The following PTPRG variants were observed in gnomAD, a reference collection of about 807,000 sequenced individuals.
The protein encoded by PTPRG is receptor-type tyrosine-protein phosphatase gamma.
PTPRG carries 102 observed loss-of-function variants against 165.3 expected under a neutral mutation model. The ratio of observed to expected loss-of-function variants is 0.62; its 90% confidence interval spans 0.53 to 0.73. PTPRG has a LOEUF of 0.73. PTPRG is among the 30% of genes least tolerant of loss of function. The probability of loss-of-function intolerance (pLI) is 0.00; values close to 1 mark genes in which losing one functional copy is unlikely to be tolerated. For synonymous variants in PTPRG, 675 were observed against 669.5 expected, an observed-to-expected ratio of 1.01 and a Z score of -0.13; for missense variants, 1,866 against 1,861.4, an observed-to-expected ratio of 1.00 and a Z score of -0.05.
chr3:62,286,807 C>G (rs1576227421), intron 28 of PTPRG, among the ~76,000 whole-genome samples: 2 of 152,048 alleles, frequency 1.3e-5, no homozygotes, highest in African/African-American at 4.8e-5. Context: ...ACTTTTGCAC[C>G]AAGTCCCTGT....
At chr3:62,147,939 T>C (rs1704183281) in intron 6 of PTPRG, among the ~76,000 whole-genome samples, 1 of 151,702 alleles carries the variant, frequency 6.6e-6, no homozygotes, top group South Asian at 2.1e-4. Flanking sequence ...GCGGCAGGAG[T>C]TCAAGACCAG....
At chr3:62,038,525 G>A (rs1700022865) in intron 4 of PTPRG, among the ~76,000 whole-genome samples, 2 of 152,258 alleles carry the variant, frequency 1.3e-5, no homozygotes, top group Non-Finnish European at 1.5e-5. Context: ...AGACTCTCCA[G>A]TAGCTGGGGC....
intron 12 of PTPRG, among the ~76,000 whole-genome samples, chr3:62,208,343 A>G (rs1472345467): frequency 6.6e-6 from 1 of 152,244 alleles, no homozygotes; most frequent in Admixed American, 6.5e-5. Flanking sequence ...TATGCAGTAC[A>G]GCATACCCTA....
chr3:61,923,195 T>C (rs2039121785), intron 2 of PTPRG, among the ~76,000 whole-genome samples: 1 of 152,200 alleles, frequency 6.6e-6, no homozygotes, highest in East Asian at 1.9e-4. Flanking sequence ...GCCCATTAAC[T>C]ATTGTGTCTT....
chr3:61,934,501 T>C (rs1353222202), intron 2 of PTPRG, among the ~76,000 whole-genome samples: 2 of 152,058 alleles, frequency 1.3e-5, no homozygotes, highest in Non-Finnish European at 2.9e-5. Flanking sequence ...CCTCCAGCAA[T>C]TTAGGGCTGA....
chr3:61,991,178 A>G (rs1025144171), intron 3 of PTPRG, among the ~76,000 whole-genome samples: 1 of 151,910 alleles, frequency 6.6e-6, no homozygotes, highest in Non-Finnish European at 1.5e-5. Flanking sequence ...CGTAGAAAAA[A>G]CTGGTGATCC....
At chr3:62,189,986 G>T (rs1699767286) in intron 8 of PTPRG, among the ~76,000 whole-genome samples, 1 of 152,004 alleles carries the variant, frequency 6.6e-6, no homozygotes, top group South Asian at 2.1e-4. Context: ...TCAGCTCTCA[G>T]TTACATGAAC....
At chr3:61,706,215 A>T in intron 1 of PTPRG, among the ~76,000 whole-genome samples, 1 of 152,176 alleles carries the variant, frequency 6.6e-6, no homozygotes, top group Admixed American at 6.6e-5. Flanking sequence ...GGGGGAAAAA[A>T]AAAAGAACCT....
chr3:61,914,959 G>A lies in PTPRG; in HGVS notation c.191-74666G>A, dbSNP rs372921208. On this transcript the variant is annotated intron_variant, in intron 2 of 29. Transcript: ENST00000474889. ...CATAATAATTAAGTGGGCTGGGTGC[G>A]GTGACTCACGCCTATAATCCCAGCA... is the stretch of plus-strand genomic sequence containing the variant. Among the ~76,000 whole-genome samples the A allele has an allele frequency of 1.0e-3, 159 of 152,284 alleles. 3 individuals are homozygous for A. The South Asian group carries it at 0.031, about 30-fold the overall frequency.
chr3:61,875,625 A>G (rs1011885264), intron 2 of PTPRG, among the ~76,000 whole-genome samples: 20 of 152,072 alleles, frequency 1.3e-4, no homozygotes, highest in African/African-American at 4.8e-4. Context: ...TGCCTCAGCT[A>G]TACACACACA....
intron 1 of PTPRG, among the ~76,000 whole-genome samples, chr3:61,608,858 C>T (rs750219822): frequency 1.6e-4 from 24 of 152,198 alleles, no homozygotes; most frequent in Admixed American, 2.6e-4. Context: ...ATCGTCTTTA[C>T]GCTGAGCCCT....
At chr3:61,966,721 G>A (rs1466003358) in intron 2 of PTPRG, among the ~76,000 whole-genome samples, 2 of 152,112 alleles carry the variant, frequency 1.3e-5, no homozygotes, top group East Asian at 1.9e-4. Flanking sequence ...ACAATGGGAA[G>A]CCAAATAGAC....
intron 7 of PTPRG, among the ~76,000 whole-genome samples, chr3:62,161,422 A>G (rs754757827): frequency 2.6e-5 from 4 of 152,212 alleles, no homozygotes; most frequent in Admixed American, 6.5e-5. Context: ...TATCACTGCA[A>G]ATGTAGGGCT....
intron 1 of PTPRG, among the ~76,000 whole-genome samples, chr3:61,651,171 A>G (rs1386576230): frequency 6.0e-5 from 9 of 150,984 alleles, no homozygotes; most frequent in African/African-American, 2.0e-4. Flanking sequence ...TAATTTCTAT[A>G]TACTACCAGA....
At chr3:61,579,503 GC>G (rs1435155800) in intron 1 of PTPRG, among the ~76,000 whole-genome samples, 2 of 152,198 alleles carry the variant, frequency 1.3e-5, no homozygotes, top group Non-Finnish European at 2.9e-5. Flanking sequence ...CATCTTAGGG[GC>G]TGGACACACT....
At chr3:62,103,228 A>C (rs1406225143) in intron 5 of PTPRG, among the ~76,000 whole-genome samples, 2 of 125,348 alleles carry the variant, frequency 1.6e-5, no homozygotes, top group Non-Finnish European at 3.4e-5. Context: ...GCTTGGACTC[A>C]TAGCACGCGG....
In PTPRG at chr3:62,277,008, G is replaced by C; in HGVS notation, c.3596G>C (p.Gly1199Ala). 1 of 1,613,104 alleles carries C rather than the reference G, an allele frequency of 6.2e-7. No homozygotes were observed. The highest frequency in any genetic ancestry group is 8.5e-7 in the Non-Finnish European group (1 of 1,179,356). ...CGAGTGGGTCTTGCACCATTGCCTG[G>C]AATGAAAGGAACAGATTACATTAAT... is the stretch of plus-strand genomic sequence containing the variant. Reference protein sequence around the residue: ...RARVGLAPLPGMKGTDYINAS... With the variant: ...RARVGLAPLPAMKGTDYINAS... Residue 1199 changes from glycine (G) to alanine (A), a missense_variant, in exon 25 of 30, where the codon GGA becomes GCA. By Grantham distance (60) the Gly-to-Ala change is moderately conservative. Transcript: ENST00000474889.
rs115507457 is a variant in PTPRG, at chr3:61,578,979, T to G, written c.85+16607T>G. On this transcript the variant is annotated intron_variant, in intron 1 of 29. Coordinates refer to ENST00000474889, the MANE Select transcript of PTPRG (RefSeq NM_002841.4). The stretch of plus-strand genomic sequence containing the variant: ...AAGGATGTTAAAGTCTTGCAGTTAG[T>G]GTGTTGAAGGGGCGCTGGAGGATCC... 7.1e-3 allele frequency among the ~76,000 whole-genome samples: 1,075 copies of G among 152,142 alleles called. 17 individuals are homozygous for G. Among genetic ancestry groups the G allele is most frequent in the African/African-American group, 0.024 (1,015 of 41,504 alleles).
intron 4 of PTPRG, among the ~76,000 whole-genome samples, chr3:62,050,698 T>C (rs947445420): frequency 5.9e-5 from 9 of 152,198 alleles, no homozygotes; most frequent in African/African-American, 2.2e-4. Context: ...ATTTAGTGAC[T>C]AACATAACTG....
Sources: gnomAD v4.1 joint callset for allele counts (sites outside exome capture counted in the v4.1 genomes callset) on GRCh38, gnomAD v4.1.1 for gene constraint, MANE v1.5 for transcripts, NCBI Gene and HGNC (gene_info 2026-07-23, HGNC 2026-07-21) for gene names.